ASPRV1: variants seen among roughly 807,000 people sequenced by gnomAD.
ASPRV1 encodes the protein retroviral-like aspartic protease 1.
In ASPRV1, 7 loss-of-function variants were observed where a neutral mutation model predicts 11.0. The observed-to-expected ratio is 0.64, with a 90% CI of 0.36 to 1.20. ASPRV1 has a LOEUF of 1.20. Among genes scored for constraint, ASPRV1 ranks in the 50% most tolerant of loss-of-function variants. ASPRV1 has a pLI of 0.02. For missense variants in ASPRV1, 299 were observed against 320.0 expected, an observed-to-expected ratio of 0.93 and a Z score of 0.50; for synonymous variants, 136 against 138.4, an observed-to-expected ratio of 0.98 and a Z score of 0.12.
At chr2:69,945,970 A>C in the ASPRV1 span, among the ~76,000 whole-genome samples, 1 of 152,084 alleles carries the variant, frequency 6.6e-6, no homozygotes, top group Non-Finnish European at 1.5e-5. Context: ...CTGGAGGAGA[A>C]GGCACCTGGG....
chr2:69,952,887 G>A, the ASPRV1 span, among the ~76,000 whole-genome samples: 11 of 152,006 alleles, frequency 7.2e-5, no homozygotes, highest in East Asian at 1.2e-3. Context: ...CTGTTGGTTC[G>A]TCCTCCATGT....
At chr2:70,060,947 A>G in the ASPRV1 span, among the ~76,000 whole-genome samples, 1 of 152,356 alleles carries the variant, frequency 6.6e-6, no homozygotes, top group Non-Finnish European at 1.5e-5. Flanking sequence ...ATAACCAGGA[A>G]CAAGTTCCCT....
At chr2:70,015,019 T>C in the ASPRV1 span, among the ~76,000 whole-genome samples, 2 of 152,114 alleles carry the variant, frequency 1.3e-5, no homozygotes, top group African/African-American at 2.4e-5. Flanking sequence ...CCAACAATCA[T>C]ATGTAAAGAT....
the ASPRV1 span, among the ~76,000 whole-genome samples, chr2:70,078,964 A>C: frequency 6.6e-6 from 1 of 152,196 alleles, no homozygotes; most frequent in Non-Finnish European, 1.5e-5. Context: ...GATATATCTT[A>C]AGGTGAAGTT....
At chr2:69,996,658 G>C in the ASPRV1 span, 1 of 452,474 alleles carries the variant, frequency 2.2e-6, no homozygotes, top group South Asian at 1.6e-5. Context: ...GCTTCTGAGA[G>C]AGGCACTGGA....
the ASPRV1 span, chr2:70,030,603 C>T: frequency 1.5e-4 from 23 of 152,086 alleles, no homozygotes; most frequent in Non-Finnish European, 2.9e-4. Flanking sequence ...AGACATTAGG[C>T]CAGAACCACA....
At chr2:70,038,385 C>A in the ASPRV1 span, among the ~76,000 whole-genome samples, 1 of 152,106 alleles carries the variant, frequency 6.6e-6, no homozygotes, top group African/African-American at 2.4e-5. Context: ...CAAGACCAGC[C>A]TGGGCAACAT....
At chr2:69,991,191 TGCACCCC>T in the ASPRV1 span, among the ~76,000 whole-genome samples, 1 of 152,138 alleles carries the variant, frequency 6.6e-6, no homozygotes, top group Non-Finnish European at 1.5e-5. Flanking sequence ...ATCTGAGAGC[TGCACCCC>T]ACACACGGGC....
At chr2:69,963,374 C>G (rs1463901277), upstream of ASPRV1, 1 of 456,738 alleles carries the variant, frequency 2.2e-6, no homozygotes, top group East Asian at 6.9e-5. Flanking sequence ...CCAGGAAGCC[C>G]TTTCTGCAGA....
chr2:70,042,933 G>C, the ASPRV1 span, among the ~76,000 whole-genome samples: 1 of 152,142 alleles, frequency 6.6e-6, no homozygotes, highest in East Asian at 1.9e-4. Flanking sequence ...CTTAGAATAG[G>C]AATATGGACA....
At chr2:69,999,512 C>T in the ASPRV1 span, among the ~76,000 whole-genome samples, 4 of 151,734 alleles carry the variant, frequency 2.6e-5, no homozygotes, top group East Asian at 1.9e-4. Flanking sequence ...AAAAACTAGC[C>T]GGTGTGGTGG....
chr2:69,974,128 A>G, the ASPRV1 span, among the ~76,000 whole-genome samples: 1 of 152,124 alleles, frequency 6.6e-6, no homozygotes, highest in Non-Finnish European at 1.5e-5. Flanking sequence ...ACCTGACGTC[A>G]GGAGTTCGAG....
the ASPRV1 span, chr2:70,030,400 G>C: frequency 6.6e-6 from 1 of 152,180 alleles, no homozygotes; most frequent in Non-Finnish European, 1.5e-5. Context: ...TCTTGCTAGG[G>C]AATGAGTGAA....
the ASPRV1 span, among the ~76,000 whole-genome samples, chr2:70,059,454 T>C: frequency 6.6e-6 from 1 of 152,024 alleles, no homozygotes; most frequent in South Asian, 2.1e-4. Context: ...ATTTCCAAGT[T>C]AATTAATCTC....
At chr2:70,047,141 T>G in the ASPRV1 span, among the ~76,000 whole-genome samples, 1 of 152,184 alleles carries the variant, frequency 6.6e-6, no homozygotes, top group Non-Finnish European at 1.5e-5. Flanking sequence ...ATCAGGCCTT[T>G]GCTCAGTCCT....
At chr2:69,963,775 C>T (rs1678227030), upstream of ASPRV1, among the ~76,000 whole-genome samples, 1 of 152,146 alleles carries the variant, frequency 6.6e-6, no homozygotes, top group Admixed American at 6.5e-5. Flanking sequence ...AAGACCAGCT[C>T]CGCTCCAGGA....
the ASPRV1 span, among the ~76,000 whole-genome samples, chr2:70,065,951 T>C: frequency 6.6e-6 from 1 of 151,886 alleles, no homozygotes; most frequent in African/African-American, 2.4e-5. Context: ...CTCACGCCTG[T>C]ACTCTCAGAA....
the ASPRV1 span, among the ~76,000 whole-genome samples, chr2:70,003,685 C>T: frequency 6.6e-6 from 1 of 152,200 alleles, no homozygotes; most frequent in African/African-American, 2.4e-5. Context: ...CCGGCCATGA[C>T]GGCTGCCAGA....
the ASPRV1 span, among the ~76,000 whole-genome samples, chr2:70,048,514 C>G: frequency 5.9e-5 from 9 of 152,016 alleles, no homozygotes; most frequent in African/African-American, 2.2e-4. Flanking sequence ...GGAGACCCAA[C>G]AACAGCAACA....
Sources: gnomAD v4.1 joint callset for allele counts (sites outside exome capture counted in the v4.1 genomes callset) on GRCh38, gnomAD v4.1.1 for gene constraint, MANE v1.5 for transcripts, NCBI Gene and HGNC (gene_info 2026-07-23, HGNC 2026-07-21) for gene names.